The following SV2C variants were observed in gnomAD, a reference collection of about 807,000 sequenced individuals.
The protein encoded by SV2C is solute carrier family 22 member B3.
Under a neutral mutation model 79.7 loss-of-function variants are expected in SV2C, and 49 were observed. That is an observed-to-expected ratio of 0.61 (90% CI 0.49 to 0.78). SV2C has a LOEUF of 0.78. Among genes scored for constraint, SV2C ranks in the 30% least tolerant of loss-of-function variants. SV2C has a pLI of 0.00. For synonymous variants in SV2C, 334 were observed against 333.2 expected (o/e 1.00, Z -0.03); for missense variants, 833 against 912.9 (o/e 0.91, Z 1.13).
At chr5:76,277,540 G>A (rs979095125) in intron 4 of SV2C, among the ~76,000 whole-genome samples, 7 of 152,180 alleles carry the variant, frequency 4.6e-5, no homozygotes, top group East Asian at 1.9e-4. Context: ...TTGAGAGGCC[G>A]AGGCAGAAGG....
the SV2C span, among the ~76,000 whole-genome samples, chr5:76,009,808 C>T: frequency 6.6e-6 from 1 of 152,048 alleles, no homozygotes; most frequent in Non-Finnish European, 1.5e-5. Flanking sequence ...ATACTATGCT[C>T]AGCACCTTGA....
the SV2C span, among the ~76,000 whole-genome samples, chr5:75,992,807 T>G: frequency 6.6e-6 from 1 of 152,068 alleles, no homozygotes; most frequent in Non-Finnish European, 1.5e-5. Flanking sequence ...AATGAAATTA[T>G]AGAATAGGGG....
At chr5:76,207,656 GA>G (rs1744646741) in intron 3 of SV2C, among the ~76,000 whole-genome samples, 1 of 152,092 alleles carries the variant, frequency 6.6e-6, no homozygotes, top group Non-Finnish European at 1.5e-5. Flanking sequence ...CTTACCCCTT[GA>G]AAGGGCCTCA....
At chr5:76,243,264 T>A (rs1345165984) in intron 4 of SV2C, among the ~76,000 whole-genome samples, 1 of 152,258 alleles carries the variant, frequency 6.6e-6, no homozygotes, top group Non-Finnish European at 1.5e-5. Context: ...ACAGAGTTAA[T>A]CTGCTAGGGA....
At chr5:76,010,003 T>G in the SV2C span, among the ~76,000 whole-genome samples, 8,188 of 148,606 alleles carry the variant, frequency 0.055, 349 homozygotes, top group Non-Finnish European at 0.081. Flanking sequence ...TTTTTTTTTT[T>G]TTTTTTTTTT....
At chr5:76,101,791 A>G (rs908213852) in intron 1 of SV2C, among the ~76,000 whole-genome samples, 1 of 152,228 alleles carries the variant, frequency 6.6e-6, no homozygotes, top group Non-Finnish European at 1.5e-5. Flanking sequence ...CTATTGGCAC[A>G]TGAATGTCTC....
the SV2C span, among the ~76,000 whole-genome samples, chr5:75,903,963 A>G: frequency 2.0e-5 from 3 of 152,232 alleles, no homozygotes; most frequent in Non-Finnish European, 4.4e-5. Flanking sequence ...TTCAAAGAAA[A>G]AAATAAAAGT....
chr5:76,118,959 G>A (rs1024709580), intron 1 of SV2C, among the ~76,000 whole-genome samples: 2 of 152,114 alleles, frequency 1.3e-5, no homozygotes, highest in Admixed American at 1.3e-4. Flanking sequence ...CTCCAGCCTG[G>A]GCAACAAAGC....
chr5:75,982,015 A>G, the SV2C span, among the ~76,000 whole-genome samples: 17,165 of 144,154 alleles, frequency 0.12, 2,832 homozygotes, highest in African/African-American at 0.38. Flanking sequence ...TCACTCATAG[A>G]TGGGAATTGA....
chr5:76,182,918 A>AGAGT lies in SV2C; in HGVS notation c.581-12000_581-11999insAGTG, dbSNP rs1554038414. On this transcript the variant is annotated intron_variant, in intron 2 of 12. Coordinates refer to ENST00000502798, the MANE Select transcript of SV2C (RefSeq NM_014979.4). ...TGGTGAAACTAGGATTGAGAGAGAGAGTGTGTGTGTGTGTGTGTATGTGAG... is the reference window on the plus strand; with the variant it reads ...TGGTGAAACTAGGATTGAGAGAGAGAGAGTGTGTGTGTGTGTGTGTGTATGTGAG... Among the ~76,000 whole-genome samples, 19 of 141,240 alleles carry AGAGT rather than the reference A, an allele frequency of 1.3e-4. No individual in the cohort carries two copies. The Middle Eastern group carries it at 0.011, about 80-fold the overall frequency. The allele number at this position is 141,240 out of a possible 152,430, so 92.7% of individuals were successfully genotyped here.
chr5:76,352,437 A>C (rs1375158462), intron 12 of SV2C, among the ~76,000 whole-genome samples: 2 of 152,220 alleles, frequency 1.3e-5, no homozygotes, highest in Non-Finnish European at 2.9e-5. Context: ...TGTCCTAATG[A>C]ATGGATTAAC....
the SV2C span, among the ~76,000 whole-genome samples, chr5:76,076,552 T>C: frequency 6.6e-6 from 1 of 152,154 alleles, no homozygotes; most frequent in African/African-American, 2.4e-5. Flanking sequence ...TTTATTTATG[T>C]GATTTTTTTT....
At chr5:76,290,518 T>G (rs577623955) in intron 6 of SV2C, among the ~76,000 whole-genome samples, 1 of 152,370 alleles carries the variant, frequency 6.6e-6, no homozygotes, top group Admixed American at 6.5e-5. Flanking sequence ...TCAGGATTCA[T>G]TCTCTGTGCT....
At chr5:75,962,235 C>T in the SV2C span, among the ~76,000 whole-genome samples, 1,417 of 152,196 alleles carry the variant, frequency 9.3e-3, 17 homozygotes, top group African/African-American at 0.027. Flanking sequence ...CTTCAGTAAA[C>T]TTGAATTTCC....
chr5:75,955,094 C>A, the SV2C span, among the ~76,000 whole-genome samples: 6 of 147,450 alleles, frequency 4.1e-5, no homozygotes, highest in Non-Finnish European at 8.9e-5. Context: ...CAAGTCAATC[C>A]TAAGCCAAAA....
chr5:75,862,074 G>A, the SV2C span, among the ~76,000 whole-genome samples: 1 of 152,128 alleles, frequency 6.6e-6, no homozygotes, highest in African/African-American at 2.4e-5. Flanking sequence ...TCATAAATAA[G>A]TTCCCATTAT....
intron 1 of SV2C, among the ~76,000 whole-genome samples, chr5:76,105,886 C>A (rs1373633995): frequency 1.3e-5 from 2 of 152,048 alleles, no homozygotes; most frequent in Admixed American, 1.3e-4. Flanking sequence ...GGGGAGCAAT[C>A]TTCTCTTCAC....
the SV2C span, among the ~76,000 whole-genome samples, chr5:75,867,327 A>C: frequency 6.6e-6 from 1 of 152,286 alleles, no homozygotes; most frequent in South Asian, 2.1e-4. Context: ...GCCAATACCC[A>C]ACACAAGACG....
chr5:75,927,245 A>C, the SV2C span, among the ~76,000 whole-genome samples: 2 of 152,108 alleles, frequency 1.3e-5, no homozygotes, highest in Admixed American at 1.3e-4. Flanking sequence ...AAACAACCCA[A>C]ATGTCCATCG....
Sources: allele counts gnomAD v4.1 joint callset (sites outside exome capture counted in the v4.1 genomes callset), GRCh38; gene constraint gnomAD v4.1.1; transcripts MANE v1.5; gene names NCBI Gene and HGNC (gene_info 2026-07-23, HGNC 2026-07-21).